The following KCNK9 variants were observed in gnomAD, a reference collection of about 807,000 sequenced individuals.
KCNK9 encodes potassium channel subfamily K member 9.
In KCNK9, 1 loss-of-function variant was observed where a neutral mutation model predicts 10.8. The ratio of observed to expected loss-of-function variants is 0.09; its 90% CI spans 0.03 to 0.44. KCNK9 has a LOEUF of 0.44. Ranked by LOEUF, KCNK9 falls within the 20% of genes least tolerant of loss-of-function variation. KCNK9 has a pLI of 0.97. For synonymous variants in KCNK9, 231 were observed against 222.7 expected, an observed-to-expected ratio of 1.04 and a Z score of -0.33; for missense variants, 303 against 515.0, an observed-to-expected ratio of 0.59 and a Z score of 3.98.
rs750020617 is a variant in KCNK9, at chr8:139,619,005, C to T, written c.378G>A (p.Gln126=). 6.2e-7 allele frequency: 1 copy of T among 1,614,254 alleles called. No individual in the cohort carries two copies. Among genetic ancestry groups the T allele is most frequent in the Non-Finnish European group, 8.5e-7 (1 of 1,180,046 alleles). ...AGGTGTTCATGCGCTCGCCCAGGCT[C>T]TGGAACATGACCAGTGTCAGCGGGA... ...LGIPLTLVMF[Q]SLGERMNTFV... The change falls in exon 2 of 2, where the codon CAG becomes CAA. Residue 126 remains glutamine (Q), a synonymous_variant. Coordinates refer to ENST00000520439, the MANE Select transcript of KCNK9 (RefSeq NM_001282534.2).
intron 1 of KCNK9, among the ~76,000 whole-genome samples, chr8:139,700,604 G>A (rs906129540): frequency 1.3e-5 from 2 of 151,556 alleles, no homozygotes; most frequent in Non-Finnish European, 2.9e-5. Context: ...TCAGTGGAAA[G>A]CCCAAAGAAG....
intron 1 of KCNK9, among the ~76,000 whole-genome samples, chr8:139,678,703 G>A (rs1328972405): frequency 1.3e-5 from 2 of 152,260 alleles, no homozygotes; most frequent in East Asian, 3.8e-4. Context: ...AGGCCTGTGG[G>A]CTTGGGTGGG....
At chr8:139,609,792 G>A (rs897070002), downstream of KCNK9, among the ~76,000 whole-genome samples, 6 of 152,154 alleles carry the variant, frequency 3.9e-5, no homozygotes, top group African/African-American at 1.2e-4. Context: ...GGGGGAGGTG[G>A]AGGGGGGATA....
chr8:139,695,541 G>T (rs1817028785), intron 1 of KCNK9, among the ~76,000 whole-genome samples: 1 of 152,220 alleles, frequency 6.6e-6, no homozygotes, highest in African/African-American at 2.4e-5. Context: ...GCTTTCTACA[G>T]GTGGAGGTCC....
intron 1 of KCNK9, among the ~76,000 whole-genome samples, chr8:139,689,107 A>G (rs980220956): frequency 1.1e-4 from 17 of 152,224 alleles, no homozygotes; most frequent in Non-Finnish European, 1.9e-4. Context: ...ACCCAGGGAG[A>G]TGATCATCCA....
intron 1 of KCNK9, among the ~76,000 whole-genome samples, chr8:139,697,653 C>T (rs1213410584): frequency 1.3e-5 from 2 of 151,994 alleles, no homozygotes; most frequent in African/African-American, 4.8e-5. Context: ...TGAAAGTGAC[C>T]CAGGAAAGAG....
chr8:139,603,245 A>G (rs537395278), intron 2 of KCNK9, among the ~76,000 whole-genome samples: 11 of 152,236 alleles, frequency 7.2e-5, no homozygotes, highest in South Asian at 6.2e-4. Flanking sequence ...CTGCCCCCCA[A>G]TTCCTCATTT....
At chr8:139,627,789 CT>C (rs1277907026) in intron 1 of KCNK9, among the ~76,000 whole-genome samples, 1 of 152,238 alleles carries the variant, frequency 6.6e-6, no homozygotes, top group Non-Finnish European at 1.5e-5. Flanking sequence ...CCCTGTGTCT[CT>C]TGTGGTTTCT....
At position 139,617,181 on chromosome 8, in the gene KCNK9, G is replaced by A. The variant is rs1814624459; in HGVS notation, c.*1077C>T. Among the ~76,000 whole-genome samples, 1 of 152,160 alleles carries A rather than the reference G, an allele frequency of 6.6e-6. No individual in the cohort carries two copies. Among genetic ancestry groups the A allele is most frequent in the African/African-American group, 2.4e-5 (1 of 41,438 alleles). ...GCCCTGTCAATTTTCATGAGGAAAA[G>A]GAACCACAGCCACATACTAATACCC... On this transcript the variant is annotated 3_prime_UTR_variant, in exon 2 of 2. Transcript: ENST00000520439.
chr8:139,675,122 A>C (rs541482910), intron 1 of KCNK9, among the ~76,000 whole-genome samples: 3 of 152,334 alleles, frequency 2.0e-5, no homozygotes, highest in South Asian at 4.1e-4. Flanking sequence ...ACCAACCCCA[A>C]AAGGAGCAGC....
chr8:139,621,200 A>G (rs1278485902), intron 1 of KCNK9, among the ~76,000 whole-genome samples: 1 of 151,950 alleles, frequency 6.6e-6, no homozygotes, highest in Non-Finnish European at 1.5e-5. Flanking sequence ...CTGAGGCAGG[A>G]GAATCACTTG....
chr8:139,695,100 T>C (rs1193002829), intron 1 of KCNK9, among the ~76,000 whole-genome samples: 1 of 152,244 alleles, frequency 6.6e-6, no homozygotes, highest in African/African-American at 2.4e-5. Context: ...CACATAATTC[T>C]ACTTTGTGCT....
chr8:139,617,917 T>C lies in KCNK9; in HGVS notation c.*341A>G. On this transcript the variant is annotated 3_prime_UTR_variant, in exon 2 of 2. Transcript: ENST00000520439. ...TATCCTCTCAGCTCTGTCTCCGTGG[T>C]CTTGGTCTCACATCTGTCCCGGGAA... 2.9e-6 allele frequency: 1 copy of C among 349,848 alleles called. No homozygotes were observed. The highest frequency in any genetic ancestry group is 5.4e-6 in the Non-Finnish European group (1 of 183,698). The allele number at this position is 349,848 out of a possible 1,614,324, so 21.7% of individuals were successfully genotyped here. A position where few individuals can be genotyped will look rare whatever the true frequency, so the allele number is the denominator to read the frequency against.
intron 1 of KCNK9, among the ~76,000 whole-genome samples, chr8:139,684,099 C>A (rs1816743022): frequency 6.6e-6 from 1 of 152,204 alleles, no homozygotes; most frequent in African/African-American, 2.4e-5. Flanking sequence ...ACAGTGTCCC[C>A]AGAGACCACA....
chr8:139,658,096 A>G (rs189592186), intron 1 of KCNK9, among the ~76,000 whole-genome samples: 36 of 152,358 alleles, frequency 2.4e-4, no homozygotes, highest in African/African-American at 8.2e-4. Context: ...ATCCACTCAG[A>G]TGGATCAAAT....
At chr8:139,694,213 A>C (rs1816999592) in intron 1 of KCNK9, among the ~76,000 whole-genome samples, 2 of 152,190 alleles carry the variant, frequency 1.3e-5, no homozygotes, top group Non-Finnish European at 2.9e-5. Context: ...TGAATTTGCC[A>C]AGAGTGGACA....
In KCNK9 at chr8:139,619,077, G is replaced by A. The variant is rs762738231; in HGVS notation, c.306C>T (p.Gly102=). The change falls in exon 2 of 2, where the codon GGC becomes GGT. Residue 102 remains glycine (G), a synonymous_variant. Coordinates refer to ENST00000520439, the MANE Select transcript of KCNK9 (RefSeq NM_001282534.2). ...TGCAGAAGGCCTTGCCCGCATCGGT[G>A]CCAGGTGCAGCGTGCCCATAACCTG... The part of the protein sequence containing the change: ...TTIGYGHAAP[G]TDAGKAFCMF... 6.2e-7 allele frequency: 1 copy of A among 1,614,150 alleles called. No homozygotes were observed. Among genetic ancestry groups the A allele is most frequent in the Non-Finnish European group, 8.5e-7 (1 of 1,180,020 alleles).
At chr8:139,682,406 G>A (rs931260573) in intron 1 of KCNK9, among the ~76,000 whole-genome samples, 15 of 152,184 alleles carry the variant, frequency 9.9e-5, no homozygotes, top group African/African-American at 3.1e-4. Flanking sequence ...AGCTGAGCAC[G>A]ACACAGGGTG....
chr8:139,601,529 G>C (rs559734180), exon 3 of KCNK9: 1 of 152,212 alleles, frequency 6.6e-6, no homozygotes, highest in African/African-American at 2.4e-5. Context: ...GAGGATCCAG[G>C]GAAGGATGAG....
Sources: allele counts gnomAD v4.1 joint callset (sites outside exome capture counted in the v4.1 genomes callset), GRCh38; gene constraint gnomAD v4.1.1; transcripts MANE v1.5; gene names NCBI Gene and HGNC (gene_info 2026-07-23, HGNC 2026-07-21).